PRKG1: variants seen among roughly 807,000 people sequenced by gnomAD.
The protein encoded by PRKG1 is cGMP-dependent protein kinase 1.
A neutral mutation model predicts 88.1 loss-of-function variants in PRKG1; 35 were observed. The observed-to-expected ratio is 0.40, with a 90% CI of 0.30 to 0.53. PRKG1 has a LOEUF of 0.53. PRKG1 is among the 20% of genes least tolerant of loss of function. The pLI, the probability that PRKG1 is intolerant of heterozygous loss-of-function variation, is 0.59. For synonymous variants in PRKG1, 303 were observed against 292.5 expected (o/e 1.04, Z -0.37); for missense variants, 540 against 839.8 (o/e 0.64, Z 4.41).
chr10:52,242,717 T>G (rs11001333), intron 9 of PRKG1, among the ~76,000 whole-genome samples: 2 of 152,014 alleles, frequency 1.3e-5, no homozygotes, highest in Non-Finnish European at 2.9e-5. Context: ...GCCAACATGG[T>G]GAAACCCTGT....
At chr10:52,108,356 C>A (rs907755193) in intron 7 of PRKG1, among the ~76,000 whole-genome samples, 1 of 152,176 alleles carries the variant, frequency 6.6e-6, no homozygotes, top group African/African-American at 2.4e-5. Flanking sequence ...TTGAGAAATT[C>A]ATGTCTACAT....
At chr10:51,016,371 G>T (rs1252194441) in intron 1 of PRKG1, among the ~76,000 whole-genome samples, 1 of 151,942 alleles carries the variant, frequency 6.6e-6, no homozygotes, top group African/African-American at 2.4e-5. Context: ...TTAAATCTTT[G>T]TTATTATGAT....
intron 2 of PRKG1, among the ~76,000 whole-genome samples, chr10:51,370,723 A>G (rs1007091376): frequency 1.8e-4 from 28 of 152,172 alleles, no homozygotes; most frequent in Non-Finnish European, 4.0e-4. Context: ...TCTCTAATCC[A>G]GTACATCCAA....
intron 2 of PRKG1, among the ~76,000 whole-genome samples, chr10:51,305,729 T>C (rs952470971): frequency 6.6e-6 from 1 of 152,192 alleles, no homozygotes; most frequent in African/African-American, 2.4e-5. Flanking sequence ...CTGGAGCAAT[T>C]GTTTTGACTG....
At chr10:51,604,645 GGA>G (rs1172357387) in intron 3 of PRKG1, among the ~76,000 whole-genome samples, 1 of 152,208 alleles carries the variant, frequency 6.6e-6, no homozygotes, top group Non-Finnish European at 1.5e-5. Context: ...TGCTGATACG[GGA>G]GAGTTTCTTT....
intron 7 of PRKG1, among the ~76,000 whole-genome samples, chr10:52,078,384 T>C (rs1846686425): frequency 6.6e-6 from 1 of 152,242 alleles, no homozygotes; most frequent in African/African-American, 2.4e-5. Flanking sequence ...TTTATGTTTC[T>C]AGACCTACCC....
At chr10:51,024,049 G>A (rs1369503471) in intron 1 of PRKG1, among the ~76,000 whole-genome samples, 1 of 152,132 alleles carries the variant, frequency 6.6e-6, no homozygotes, top group Non-Finnish European at 1.5e-5. Context: ...CATCTCTGTA[G>A]CTCCAACACA....
intron 5 of PRKG1, among the ~76,000 whole-genome samples, chr10:52,024,327 T>TTTTA (rs1554793244): frequency 6.7e-6 from 1 of 149,126 alleles, no homozygotes; most frequent in Admixed American, 6.6e-5. Context: ...CTTTTTTTTT[T>TTTTA]ATTCTTTTTT....
chr10:51,523,653 C>G (rs1230215534), intron 3 of PRKG1, among the ~76,000 whole-genome samples: 1 of 152,158 alleles, frequency 6.6e-6, no homozygotes, highest in Non-Finnish European at 1.5e-5. Context: ...GGCTCTGTCT[C>G]TCTTAAGATT....
chr10:52,091,439 C>T (rs1378244335), intron 7 of PRKG1, among the ~76,000 whole-genome samples: 4 of 152,164 alleles, frequency 2.6e-5, no homozygotes, highest in African/African-American at 9.7e-5. Flanking sequence ...GCATCAAACT[C>T]ATAGATCCTG....
At chr10:51,112,877 A>G (rs868605633) in intron 1 of PRKG1, among the ~76,000 whole-genome samples, 1 of 152,244 alleles carries the variant, frequency 6.6e-6, no homozygotes, top group Non-Finnish European at 1.5e-5. Flanking sequence ...CATAGTATAT[A>G]GAAAGATGTT....
chr10:52,059,817 T>C (rs1846194600), intron 6 of PRKG1, among the ~76,000 whole-genome samples: 1 of 151,942 alleles, frequency 6.6e-6, no homozygotes, highest in African/African-American at 2.4e-5. Flanking sequence ...TAAAAATTCA[T>C]GTATATTTCT....
chr10:51,491,680 C>T (rs1589012846), intron 3 of PRKG1, among the ~76,000 whole-genome samples: 1 of 152,018 alleles, frequency 6.6e-6, no homozygotes, highest in East Asian at 1.9e-4. Context: ...ATTTTCTCAG[C>T]AAATTAGCAA....
At chr10:51,358,571 T>C (rs1842414236) in intron 2 of PRKG1, among the ~76,000 whole-genome samples, 1 of 151,896 alleles carries the variant, frequency 6.6e-6, no homozygotes, top group African/African-American at 2.4e-5. Flanking sequence ...GACTAAATAG[T>C]AAACAAGATA....
intron 9 of PRKG1, among the ~76,000 whole-genome samples, chr10:52,168,011 G>T (rs1222632588): frequency 6.6e-6 from 1 of 152,058 alleles, no homozygotes; most frequent in Non-Finnish European, 1.5e-5. Flanking sequence ...AAGACTCCTT[G>T]CAATGCCTCT....
intron 3 of PRKG1, among the ~76,000 whole-genome samples, chr10:51,803,436 A>G (rs1333879471): frequency 6.6e-6 from 1 of 152,142 alleles, no homozygotes; most frequent in East Asian, 1.9e-4. Context: ...CTGGAGTACA[A>G]TATTCATTCC....
At chr10:51,643,274 A>G (rs1462249462) in intron 3 of PRKG1, among the ~76,000 whole-genome samples, 1 of 152,188 alleles carries the variant, frequency 6.6e-6, no homozygotes, top group African/African-American at 2.4e-5. Context: ...TCACTTAATA[A>G]AAACAAACTA....
chr10:51,780,578 TA>T (rs1403645046), intron 3 of PRKG1, among the ~76,000 whole-genome samples: 4 of 152,186 alleles, frequency 2.6e-5, no homozygotes, highest in African/African-American at 9.6e-5. Flanking sequence ...TTCTTATTTA[TA>T]AAATCGTAAG....
intron 4 of PRKG1, among the ~76,000 whole-genome samples, chr10:51,851,290 G>A (rs1201544814): frequency 6.6e-6 from 1 of 152,160 alleles, no homozygotes; most frequent in African/African-American, 2.4e-5. Context: ...ATTCTCAACT[G>A]GGAGACATTT....
Sources: gnomAD v4.1 joint callset for allele counts (sites outside exome capture counted in the v4.1 genomes callset) on GRCh38, gnomAD v4.1.1 for gene constraint, MANE v1.5 for transcripts, NCBI Gene and HGNC (gene_info 2026-07-23, HGNC 2026-07-21) for gene names.